SMAD1: variants seen among roughly 807,000 people sequenced by gnomAD.
The protein encoded by SMAD1 is SMAD family member 1, also known as MAD, mothers against decapentaplegic homolog 1.
Under a neutral mutation model 41.6 loss-of-function variants are expected in SMAD1, and 6 were observed. The ratio of observed to expected loss-of-function variants is 0.14; its 90% CI spans 0.08 to 0.28. The LOEUF is 0.28. SMAD1 is among the 10% of genes least tolerant of loss of function. SMAD1 has a pLI of 1.00. For synonymous variants in SMAD1, 206 were observed against 203.2 expected (o/e 1.01, Z -0.12); for missense variants, 379 against 582.6 (o/e 0.65, Z 3.60).
chr4:145,523,440 A>G (rs568918722), intron 2 of SMAD1, among the ~76,000 whole-genome samples: 54 of 152,354 alleles, frequency 3.5e-4, no homozygotes, highest in African/African-American at 1.3e-3. Flanking sequence ...GGTTTTGGAC[A>G]TACAATAAAA....
chr4:145,546,367 G>A (rs1167926221), intron 4 of SMAD1: 2 of 240,846 alleles, frequency 8.3e-6, no homozygotes, highest in African/African-American at 2.2e-5. Context: ...CAAAGTCTGT[G>A]GTAGGGGTGA....
rs548204421 is a variant in SMAD1, at chr4:145,514,697, A to G, written c.84A>G (p.Lys28=). ...LGWKQGDEEE[K]WAEKAVDALV... is the part of the protein sequence containing the mutation. ...GGAAACAGGGCGATGAAGAAGAAAA[A>G]TGGGCAGAGAAAGCTGTTGATGCTT... Residue 28 remains lysine (K), a synonymous_variant, in exon 2 of 7, where the codon AAA becomes AAG. Transcript: ENST00000302085. The surrounding 1 kb of genome is among the most constrained non-coding windows in gnomAD (Gnocchi z 4.7). 6.2e-6 allele frequency: 10 copies of G among 1,614,146 alleles called. No individual in the cohort carries two copies. Among genetic ancestry groups the G allele is most frequent in the South Asian group, 3.3e-5 (3 of 91,080 alleles).
At chr4:145,542,736 T>G (rs1365420035) in intron 4 of SMAD1, 38 bp downstream of exon 4, 1 of 1,370,700 alleles carries the variant, frequency 7.3e-7, no homozygotes, top group Non-Finnish European at 1.0e-6. Context: ...TTTTAGAGTC[T>G]AAAGTTTGTC....
chr4:145,506,730 T>C lies in SMAD1; in HGVS notation c.-176-7708T>C, dbSNP rs545991294. Among the ~76,000 whole-genome samples, 434 of 152,212 alleles carry C rather than the reference T, an allele frequency of 2.9e-3. 1 individual carries two copies. Among genetic ancestry groups the C allele is most frequent in the African/African-American group, 9.9e-3 (412 of 41,530 alleles). On this transcript the variant is annotated intron_variant, in intron 1 of 6. Coordinates refer to ENST00000302085, the MANE Select transcript of SMAD1 (RefSeq NM_005900.3). ...GTGGGAATTTGGGATCTGTAACATATTAAATGGAAGAGAGTGTATTTTGTT... is the reference window on the plus strand; with the variant it reads ...GTGGGAATTTGGGATCTGTAACATACTAAATGGAAGAGAGTGTATTTTGTT...
chr4:145,489,176 G>T (rs1442798532), intron 1 of SMAD1, among the ~76,000 whole-genome samples: 4 of 152,208 alleles, frequency 2.6e-5, no homozygotes, highest in African/African-American at 7.2e-5. Context: ...ATATCAAATA[G>T]CACAGATCCA....
In SMAD1 at chr4:145,548,456, A is replaced by G. The variant is rs1029940076; in HGVS notation, c.997+1532A>G. Among the ~76,000 whole-genome samples the G allele has an allele frequency of 2.6e-5, 4 of 152,192 alleles. 1 individual carries two copies. The highest frequency in any genetic ancestry group is 9.6e-5 in the African/African-American group (4 of 41,536). On this transcript the variant is annotated intron_variant, in intron 5 of 6. Transcript: ENST00000302085. ...TTGTTGGCTAGGCTGGTCTCGAACT[A>G]ACCTCAAACGATCAGCCTGCCTTGG...
At chr4:145,542,561 A>C in intron 3 of SMAD1, 21 bp from the exon 4 acceptor site, 1 of 1,464,758 alleles carries the variant, frequency 6.8e-7, no homozygotes, top group Non-Finnish European at 9.5e-7. Flanking sequence ...TTAAGAAATA[A>C]CTTCTTTAAA....
At chr4:145,546,982 G>A in intron 5 of SMAD1, 58 bp downstream of exon 5, 1 of 1,329,414 alleles carries the variant, frequency 7.5e-7, no homozygotes, top group Non-Finnish European at 1.1e-6. Flanking sequence ...TGTTCCTCCA[G>A]AGCTGACTTA....
intron 2 of SMAD1, among the ~76,000 whole-genome samples, chr4:145,524,809 TGAA>T (rs1730941194): frequency 6.8e-6 from 1 of 148,126 alleles, no homozygotes; most frequent in South Asian, 2.1e-4. Context: ...AAAAAGTGAC[TGAA>T]GAAAAACAGC....
intron 2 of SMAD1, among the ~76,000 whole-genome samples, chr4:145,520,162 C>T (rs1414546766): frequency 6.6e-6 from 1 of 152,018 alleles, no homozygotes; most frequent in Non-Finnish European, 1.5e-5. Flanking sequence ...ATGGAGGTTC[C>T]TCAAAAAATT....
At chr4:145,493,444 G>A (rs1408197897) in intron 1 of SMAD1, among the ~76,000 whole-genome samples, 1 of 152,120 alleles carries the variant, frequency 6.6e-6, no homozygotes, top group African/African-American at 2.4e-5. Flanking sequence ...ATGTGTTTAT[G>A]TTTGTGTGCT....
chr4:145,512,435 C>T (rs1338508958), intron 1 of SMAD1, among the ~76,000 whole-genome samples: 1 of 151,980 alleles, frequency 6.6e-6, no homozygotes, highest in Non-Finnish European at 1.5e-5. Flanking sequence ...TTCATTTTTT[C>T]CCTCTCTTTG....
intron 1 of SMAD1, among the ~76,000 whole-genome samples, chr4:145,492,658 C>T (rs1728834493): frequency 6.6e-6 from 1 of 152,228 alleles, no homozygotes; most frequent in African/African-American, 2.4e-5. Flanking sequence ...CCTTCAGCCC[C>T]TTGCCCCCTC....
At chr4:145,533,360 C>T (rs963235001) in intron 2 of SMAD1, among the ~76,000 whole-genome samples, 21 of 152,322 alleles carry the variant, frequency 1.4e-4, no homozygotes, top group African/African-American at 5.1e-4. Flanking sequence ...GGGACTATCC[C>T]AGGCAAGCTA....
chr4:145,491,210 T>C (rs1269646658), intron 1 of SMAD1, among the ~76,000 whole-genome samples: 1 of 152,194 alleles, frequency 6.6e-6, no homozygotes, highest in African/African-American at 2.4e-5. Flanking sequence ...CTTATATCAA[T>C]AGGAAGCACC....
chr4:145,543,771 T>A (rs1732083764), intron 4 of SMAD1, among the ~76,000 whole-genome samples: 2 of 152,218 alleles, frequency 1.3e-5, no homozygotes, highest in South Asian at 4.1e-4. Context: ...ACAGCCACCC[T>A]GGCAAATAAA....
At chr4:145,519,846 C>T (rs56837794) in intron 2 of SMAD1, among the ~76,000 whole-genome samples, 21,633 of 152,104 alleles carry the variant, frequency 0.14, 3,162 homozygotes, top group African/African-American at 0.37. Context: ...TAATTCTACA[C>T]TCTACTTTTA....
intron 1 of SMAD1, among the ~76,000 whole-genome samples, chr4:145,501,959 A>G (rs182644507): frequency 3.9e-3 from 597 of 152,296 alleles, no homozygotes; most frequent in Non-Finnish European, 7.0e-3. Context: ...AACTCAAACA[A>G]TTTCGTTTAT....
chr4:145,523,261 GACTA>G (rs1203827931), intron 2 of SMAD1, among the ~76,000 whole-genome samples: 1 of 152,084 alleles, frequency 6.6e-6, no homozygotes, highest in Non-Finnish European at 1.5e-5. Context: ...CAGAGACTGC[GACTA>G]ACTCTTACAC....
Sources: gnomAD v4.1 joint callset for allele counts (sites outside exome capture counted in the v4.1 genomes callset) on GRCh38, gnomAD v4.1.1 for gene constraint, Gnocchi (gnomAD v3.1) non-coding constraint, MANE v1.5 for transcripts, NCBI Gene and HGNC (gene_info 2026-07-23, HGNC 2026-07-21) for gene names.